Variants in PRKN observed in about 807,000 individuals in gnomAD.
The protein encoded by PRKN is E3 ubiquitin-protein ligase parkin.
In PRKN, 56 loss-of-function variants were observed where a neutral mutation model predicts 59.5. The observed-to-expected ratio is 0.94, with a 90% CI of 0.76 to 1.18. PRKN has a LOEUF of 1.18. PRKN is among the 50% of genes most tolerant of loss of function. PRKN has a pLI of 0.00. For missense variants in PRKN, 657 were observed against 596.4 expected, an observed-to-expected ratio of 1.10 and a Z score of -1.06; for synonymous variants, 250 against 222.1, an observed-to-expected ratio of 1.13 and a Z score of -1.12.
At chr6:161,991,633 C>T (rs964011892) in intron 5 of PRKN, among the ~76,000 whole-genome samples, 4 of 151,636 alleles carry the variant, frequency 2.6e-5, no homozygotes, top group African/African-American at 7.3e-5. Context: ...CCTGAGGTCA[C>T]GAGTTTGAGA....
At chr6:161,817,222 G>C (rs1216112411) in intron 6 of PRKN, among the ~76,000 whole-genome samples, 2 of 152,142 alleles carry the variant, frequency 1.3e-5, no homozygotes, top group Non-Finnish European at 2.9e-5. Flanking sequence ...AATGTGCTTT[G>C]TGTATTCACA....
intron 1 of PRKN, among the ~76,000 whole-genome samples, chr6:162,510,621 T>C (rs994533586): frequency 4.6e-5 from 7 of 152,102 alleles, no homozygotes; most frequent in South Asian, 2.1e-4. Flanking sequence ...CATATCACCT[T>C]AAAACTTATT....
intron 2 of PRKN, among the ~76,000 whole-genome samples, chr6:162,346,873 G>A (rs912299536): frequency 1.3e-5 from 2 of 151,668 alleles, no homozygotes; most frequent in Non-Finnish European, 1.5e-5. Context: ...ATATATCTAT[G>A]GATATATACA....
chr6:162,104,391 G>A (rs374733502), intron 4 of PRKN, among the ~76,000 whole-genome samples: 3 of 152,076 alleles, frequency 2.0e-5, no homozygotes, highest in African/African-American at 7.2e-5. Flanking sequence ...TTAACATATT[G>A]TTTGGCCACA....
At chr6:162,025,149 G>A (rs989324291) in intron 5 of PRKN, among the ~76,000 whole-genome samples, 13 of 151,434 alleles carry the variant, frequency 8.6e-5, no homozygotes, top group Admixed American at 2.6e-4. Context: ...CCGAGTAGCT[G>A]GGACTACAGG....
chr6:161,554,459 T>C lies in PRKN; in HGVS notation c.934-5456A>G, dbSNP rs1278692767. On this transcript the variant is annotated intron_variant, in intron 8 of 11. Transcript: ENST00000366898. This position sits in a 1 kb window ranked among gnomAD's most constrained non-coding sequence, Gnocchi z 4.5. ...ATGCAGGCACAACCATCAGTACTTA[T>C]GTTGATGGTTGATGTTTTCCCAGTA... is the stretch of plus-strand genomic sequence containing the variant. Among the ~76,000 whole-genome samples, 2 of 151,470 alleles carry C rather than the reference T, an allele frequency of 1.3e-5. No homozygotes were observed. The highest frequency in any genetic ancestry group is 6.6e-5 in the Admixed American group (1 of 15,206).
intron 2 of PRKN, among the ~76,000 whole-genome samples, chr6:162,342,837 T>A (rs1464445991): frequency 6.6e-6 from 1 of 152,196 alleles, no homozygotes; most frequent in East Asian, 1.9e-4. Flanking sequence ...CCTAACGTGA[T>A]ATACTTATCT....
chr6:162,006,113 T>C lies in PRKN; in HGVS notation c.619-32696A>G, dbSNP rs969405681. On this transcript the variant is annotated intron_variant, in intron 5 of 11. Coordinates refer to ENST00000366898, the MANE Select transcript of PRKN (RefSeq NM_004562.3). The stretch of plus-strand genomic sequence containing the variant: ...CTTTGAAACATTTAAAATGAAGTTA[T>C]ATATGTGTGTGATTTTATTTTGTCT... Among the ~76,000 whole-genome samples the C allele has an allele frequency of 2.0e-5, 3 of 152,156 alleles. No homozygotes were observed. The East Asian group carries it at 5.8e-4, about 29-fold the overall frequency.
intron 7 of PRKN, among the ~76,000 whole-genome samples, chr6:161,608,428 C>T (rs1052216720): frequency 3.3e-5 from 5 of 152,018 alleles, no homozygotes; most frequent in Non-Finnish European, 5.9e-5. Context: ...TTTGCAGGCA[C>T]ATGTTGTGTA....
rs558524317 is a variant in PRKN, at chr6:161,659,422, G to A, written c.872-90006C>T. Among the ~76,000 whole-genome samples the A allele has an allele frequency of 4.6e-5, 7 of 152,290 alleles. No individual in the cohort carries two copies. The East Asian group carries it at 1.4e-3, about 29-fold the overall frequency. On this transcript the variant is annotated intron_variant, in intron 7 of 11. Transcript: ENST00000366898. ...CACATGTTTAAGCAGGCCTGGTGAT[G>A]GTACAGTGGTTGAGACTGTCCTATT...
chr6:162,506,880 G>A (rs1793634882), intron 1 of PRKN, among the ~76,000 whole-genome samples: 1 of 152,120 alleles, frequency 6.6e-6, no homozygotes, highest in Admixed American at 6.5e-5. Flanking sequence ...GGTTGGCACT[G>A]GAGAATGGAA....
intron 7 of PRKN, among the ~76,000 whole-genome samples, chr6:161,743,848 G>A (rs1415955440): frequency 6.6e-6 from 1 of 152,118 alleles, no homozygotes; most frequent in African/African-American, 2.4e-5. Context: ...CGAGAAGTCT[G>A]GTCAATTCTG....
intron 2 of PRKN, among the ~76,000 whole-genome samples, chr6:162,292,962 A>G (rs1378093315): frequency 3.3e-5 from 5 of 152,136 alleles, no homozygotes; most frequent in African/African-American, 9.7e-5. Flanking sequence ...CTGGGGACCC[A>G]AGGGGTGCAG....
intron 1 of PRKN, among the ~76,000 whole-genome samples, chr6:162,548,468 T>A (rs943119963): frequency 6.6e-6 from 1 of 151,988 alleles, no homozygotes; most frequent in African/African-American, 2.4e-5. Context: ...AAGATCAGTC[T>A]TAAATCTGGA....
intron 1 of PRKN, among the ~76,000 whole-genome samples, chr6:162,686,956 T>C (rs1351791706): frequency 6.6e-6 from 1 of 152,180 alleles, no homozygotes; most frequent in African/African-American, 2.4e-5. Context: ...ATGTGATGCC[T>C]GCAGCTTTGT....
At chr6:161,732,743 C>T (rs1787775945) in intron 7 of PRKN, among the ~76,000 whole-genome samples, 1 of 152,140 alleles carries the variant, frequency 6.6e-6, no homozygotes, top group Non-Finnish European at 1.5e-5. Context: ...TTTTAATCAG[C>T]CATTACATTA....
chr6:162,640,741 AC>A (rs1777925912), intron 1 of PRKN, among the ~76,000 whole-genome samples: 1 of 152,156 alleles, frequency 6.6e-6, no homozygotes, highest in Non-Finnish European at 1.5e-5. Context: ...TCTAAGCAAT[AC>A]CTGTTTGTAA....
intron 4 of PRKN, among the ~76,000 whole-genome samples, chr6:162,077,623 T>C (rs1345628331): frequency 6.6e-6 from 1 of 152,086 alleles, no homozygotes; most frequent in Non-Finnish European, 1.5e-5. Context: ...ATCTATTCCA[T>C]GAATGATTAA....
intron 1 of PRKN, among the ~76,000 whole-genome samples, chr6:162,483,899 TAAGTTA>T (rs1267307117): frequency 6.6e-6 from 1 of 152,208 alleles, no homozygotes; most frequent in Admixed American, 6.5e-5. Context: ...GGGGACAAGT[TAAGTTA>T]AATACCTTGT....
Sources: gnomAD v4.1 joint callset for allele counts (sites outside exome capture counted in the v4.1 genomes callset) on GRCh38, gnomAD v4.1.1 for gene constraint, Gnocchi (gnomAD v3.1) non-coding constraint, MANE v1.5 for transcripts, NCBI Gene and HGNC (gene_info 2026-07-23, HGNC 2026-07-21) for gene names.